The following GIMAP5 variants were observed in gnomAD, a reference collection of about 807,000 sequenced individuals.
GIMAP5 encodes the protein GTPase, IMAP family member 5.
Under a neutral mutation model 9.9 loss-of-function variants are expected in GIMAP5, and 8 were observed. That is an observed-to-expected ratio of 0.81 (90% CI 0.47 to 1.45). The LOEUF is 1.45. Ranked by LOEUF, GIMAP5 falls within the 40% of genes most tolerant of loss-of-function variation. GIMAP5 has a pLI of 0.00. For synonymous variants in GIMAP5, 174 were observed against 151.4 expected (o/e 1.15, Z -1.09); for missense variants, 353 against 367.4 (o/e 0.96, Z 0.32).
At position 150,740,779 on chromosome 7, in the gene GIMAP5, G is replaced by A. The variant is rs1797582731; in HGVS notation, c.-6-100G>A. 31 of 1,149,806 alleles carry A rather than the reference G, an allele frequency of 2.7e-5. No homozygotes were observed. In the South Asian group the frequency reaches 3.6e-4, roughly 13 times the overall value. The allele number at this position is 1,149,806 out of a possible 1,614,324, so 71.2% of individuals were successfully genotyped here. A position where few individuals can be genotyped will look rare whatever the true frequency, so the allele number is the denominator to read the frequency against. On this transcript the variant is annotated intron_variant, in intron 1 of 2. Coordinates refer to ENST00000358647, the MANE Select transcript of GIMAP5 (RefSeq NM_018384.5). The stretch of plus-strand genomic sequence containing the variant: ...AATTAGGGATGGAAATGGCTCATTT[G>A]AGAATGATTATTCTTAGATGTCTGA...
At chr7:150,739,922 A>C (rs1797570061) in intron 1 of GIMAP5, 1 of 152,256 alleles carries the variant, frequency 6.6e-6, no homozygotes, top group African/African-American at 2.4e-5. Flanking sequence ...AATTACCAAA[A>C]TAGCAAATAA....
At chr7:150,740,783 A>G (rs779205990) in intron 1 of GIMAP5, 96 bp from the exon 2 acceptor site, 107 of 1,179,314 alleles carry the variant, frequency 9.1e-5, no homozygotes, top group Non-Finnish European at 1.3e-4. Context: ...TCATTTGAGA[A>G]TGATTATTCT....
At position 150,737,823 on chromosome 7, in the gene GIMAP5, C is replaced by T. The variant is rs964254413; in HGVS notation, c.-7+115C>T. The T allele has an allele frequency of 9.5e-6, 8 of 841,696 alleles. No homozygotes were observed. In the Admixed American group the frequency reaches 1.4e-4, roughly 14 times the overall value. The allele number at this position is 841,696 out of a possible 1,614,324, so 52.1% of individuals were successfully genotyped here. ...GCACAGATCCCCTCACTTCTGGGTT[C>T]GCTGGTCAGTAAAACGGGGCAATGG... On this transcript the variant is annotated intron_variant, in intron 1 of 2. Transcript: ENST00000358647.
chr7:150,742,448 C>T lies in GIMAP5; in HGVS notation c.309C>T (p.Cys103=), dbSNP rs745789935. ...AGCTGTACAAGAACATCGGGGACTG[C>T]TACCTGCTCTCTGCCCCGGGGCCCC... ...TQELYKNIGD[C]YLLSAPGPHV... is the part of the protein sequence containing the mutation. The change falls in exon 3 of 3, where the codon TGC becomes TGT. Residue 103 remains cysteine (C), a synonymous_variant. Transcript: ENST00000358647. 3 of 1,614,080 alleles carry T rather than the reference C, an allele frequency of 1.9e-6. No homozygotes were observed. The highest frequency in any genetic ancestry group is 1.3e-5 in the African/African-American group (1 of 74,924).
chr7:150,737,745 G>C, intron 1 of GIMAP5, 37 bp downstream of exon 1: 1 of 1,473,910 alleles, frequency 6.8e-7, no homozygotes, highest in South Asian at 1.2e-5. Context: ...AGAGACTTTG[G>C]GAATTGAAAG....
chr7:150,741,443 A>G (rs902372659), intron 2 of GIMAP5, among the ~76,000 whole-genome samples: 4 of 152,190 alleles, frequency 2.6e-5, no homozygotes, highest in Non-Finnish European at 4.4e-5. Context: ...CTCCTGCCAC[A>G]GTGTCACCCT....
intron 2 of GIMAP5, 43 bp downstream of exon 2, chr7:150,740,970 A>T (rs781731994): frequency 1.2e-6 from 2 of 1,608,610 alleles, no homozygotes; most frequent in Non-Finnish European, 1.7e-6. Flanking sequence ...GACACTTGGG[A>T]GAATCACAAT....
intron 1 of GIMAP5, chr7:150,738,052 C>T (rs1797541664): frequency 3.2e-6 from 1 of 312,002 alleles, no homozygotes; most frequent in Non-Finnish European, 6.1e-6. Flanking sequence ...AGAACTGAAG[C>T]TCCCAGAGGG....
At position 150,742,644 on chromosome 7, in the gene GIMAP5, G is replaced by A. The variant is rs1178375603; in HGVS notation, c.505G>A (p.Asp169Asn). ...CCTGGATGACTATGTAGCAAACACGGACAACTGCAGCCTGAAAGACCTGGT... is the reference window on the plus strand; with the variant it reads ...CCTGGATGACTATGTAGCAAACACGAACAACTGCAGCCTGAAAGACCTGGT... ...QALDDYVANT[D>N]NCSLKDLVRE... The change falls in exon 3 of 3, where the codon GAC (aspartate) becomes AAC (asparagine). Residue 169 changes from aspartate to asparagine, a missense_variant. Transcript: ENST00000358647. 1.9e-6 allele frequency: 3 copies of A among 1,614,114 alleles called. No homozygotes were observed. The highest frequency in any genetic ancestry group is 2.5e-6 in the Non-Finnish European group (3 of 1,180,044).
In GIMAP5 at chr7:150,742,692, T is replaced by C; in HGVS notation, c.553T>C (p.Cys185Arg). ...GGTGCGGGAGTGTGAGAGAAGGTAC[T>C]GTGCCTTCAACAACTGGGGCTCTGT... ...DLVRECERRY[C>R]AFNNWGSVEE... is the part of the protein sequence containing the mutation. Residue 185 changes from cysteine to arginine, a missense_variant, in exon 3 of 3, where the codon TGT becomes CGT. Physicochemically the swap from Cys to Arg is radical, Grantham distance 180 (BLOSUM62 -3). Coordinates refer to ENST00000358647, the MANE Select transcript of GIMAP5 (RefSeq NM_018384.5). 1.2e-6 allele frequency: 2 copies of C among 1,614,216 alleles called. No homozygotes were observed. The highest frequency in any genetic ancestry group is 2.2e-5 in the East Asian group (1 of 44,886).
Position 150,737,632 on chromosome 7 carries a change from A to G in GIMAP5, c.-83A>G, listed in dbSNP as rs1454274607. 6.5e-7 allele frequency: 1 copy of G among 1,535,464 alleles called. No homozygotes were observed. Among genetic ancestry groups the G allele is most frequent in the Non-Finnish European group, 8.7e-7 (1 of 1,146,888 alleles). On this transcript the variant is annotated 5_prime_UTR_variant, in exon 1 of 3. Coordinates refer to ENST00000358647, the MANE Select transcript of GIMAP5 (RefSeq NM_018384.5). ...GCAGGACTCTCTCTGCTGCCACTTC[A>G]CCTTCCTGAGAGAGGACCAGCGGCC...
Position 150,737,481 on chromosome 7 carries a change from A to G in GIMAP5, c.-234A>G. The G allele has an allele frequency of 6.5e-7, 1 of 1,527,138 alleles. No individual in the cohort carries two copies. Among genetic ancestry groups the G allele is most frequent in the Non-Finnish European group, 8.8e-7 (1 of 1,139,364 alleles). The allele number at this position is 1,527,138 out of a possible 1,614,324, so 94.6% of individuals were successfully genotyped here. A position where few individuals can be genotyped will look rare whatever the true frequency, so the allele number is the denominator to read the frequency against. ...AGAGGTGTGGGGGACACACTCCATAATCTCTACTTTTCTTTTTGTGCAGCT... is the reference window on the plus strand; with the variant it reads ...AGAGGTGTGGGGGACACACTCCATAGTCTCTACTTTTCTTTTTGTGCAGCT... On this transcript the variant is annotated 5_prime_UTR_variant, in exon 1 of 3. Coordinates refer to ENST00000358647, the MANE Select transcript of GIMAP5 (RefSeq NM_018384.5).
At chr7:150,737,805 TC>T in intron 1 of GIMAP5, 97 bp downstream of exon 1, 3 of 989,106 alleles carry the variant, frequency 3.0e-6, no homozygotes, top group Non-Finnish European at 4.5e-6. Context: ...CTTGCACAGA[TC>T]CCCTCACTTC....
At position 150,742,876 on chromosome 7, in the gene GIMAP5, AG is replaced by A; in HGVS notation, c.739del (p.Ala247ProfsTer14). 6.2e-7 allele frequency: 1 copy of A among 1,614,230 alleles called. No individual in the cohort carries two copies. Among genetic ancestry groups the A allele is most frequent in the Non-Finnish European group, 8.5e-7 (1 of 1,180,046 alleles). On this transcript the variant is annotated frameshift_variant, in exon 3 of 3. Transcript: ENST00000358647. LOFTEE classifies it low-confidence loss of function (END_TRUNC). ...TGCCAGGAAGACTACAGGCAGTACC[AG>A]GCCAAAGTGGAATGGCAGGTGGAGA... Reference protein sequence around the residue: ...GACQEDYRQYQAKVEWQVEKH... With the variant: ...GACQEDYRQYXAKVEWQVEKH...
chr7:150,741,073 T>G (rs9657898), intron 2 of GIMAP5, 146 bp downstream of exon 2: 238,111 of 714,022 alleles, frequency 0.33, 43,084 homozygotes, highest in African/African-American at 0.6. Flanking sequence ...ACGTGTGTGT[T>G]ATCAAACCAT....
intron 1 of GIMAP5, chr7:150,740,567 T>G: frequency 8.0e-6 from 2 of 249,058 alleles, no homozygotes; most frequent in Non-Finnish European, 1.5e-5. Context: ...GAAGAATGCT[T>G]TCTCCATTTC....
At chr7:150,740,968 G>A (rs771300309) in intron 2 of GIMAP5, 41 bp downstream of exon 2, 5 of 1,602,550 alleles carry the variant, frequency 3.1e-6, no homozygotes, top group Non-Finnish European at 4.3e-6. Flanking sequence ...CAGACACTTG[G>A]GAGAATCACA....
At chr7:150,741,380 T>C (rs1797592111) in intron 2 of GIMAP5, among the ~76,000 whole-genome samples, 1 of 152,146 alleles carries the variant, frequency 6.6e-6, no homozygotes, top group Non-Finnish European at 1.5e-5. Flanking sequence ...TTCGAATTCA[T>C]TTGGGCTCTA....
intron 1 of GIMAP5, 76 bp from the exon 2 acceptor site, chr7:150,740,803 G>A: frequency 1.4e-6 from 2 of 1,403,814 alleles, no homozygotes; most frequent in South Asian, 1.2e-5. Flanking sequence ...TTAGATGTCT[G>A]AATTGAGGTG....
Sources: allele counts gnomAD v4.1 joint callset (sites outside exome capture counted in the v4.1 genomes callset), GRCh38; gene constraint gnomAD v4.1.1; transcripts MANE v1.5; gene names NCBI Gene and HGNC (gene_info 2026-07-23, HGNC 2026-07-21).